Variants in EIF4G3 observed in about 807,000 individuals in gnomAD.
The protein encoded by EIF4G3 is eukaryotic translation initiation factor 4 gamma 3.
EIF4G3 carries 34 observed loss-of-function variants against 186.4 expected under a neutral mutation model. The observed-to-expected ratio is 0.18, with a 90% CI of 0.14 to 0.24. The LOEUF (loss-of-function observed/expected upper bound fraction) is 0.24, where lower values mean the gene tolerates loss of function less well. EIF4G3 is among the 10% of genes least tolerant of loss of function. The pLI is 1.00. For missense variants in EIF4G3, 1,536 were observed against 1,948.5 expected, an observed-to-expected ratio of 0.79 and a Z score of 3.99; for synonymous variants, 673 against 679.5, an observed-to-expected ratio of 0.99 and a Z score of 0.15.
chr1:20,972,131 A>G (rs1365453951), intron 11 of EIF4G3, among the ~76,000 whole-genome samples: 3 of 152,104 alleles, frequency 2.0e-5, no homozygotes, highest in African/African-American at 7.2e-5. Context: ...CTACACTCCA[A>G]TTCTCTTGGG....
At position 20,851,374 on chromosome 1, in the gene EIF4G3, T is replaced by C. The variant is rs776709324; in HGVS notation, c.3656A>G (p.Asn1219Ser). The change falls in exon 28 of 37, where the codon AAT becomes AGT. Residue 1219 changes from asparagine (N) to serine (S), a missense_variant. This residue lies in a region of EIF4G3 where 395 missense variants were observed against 498.9 expected (regional missense o/e 0.79). Transcript: ENST00000602326. The part of the protein sequence containing the change: ...RGGSSKDLLD[N>S]QSQEEQRREM... ...TCTCCGCTGCTCTTCTTGAGACTGA[T>C]TGTCTAGCAGGTCTTTACTGCTGCC... The C allele has an allele frequency of 5.6e-6, 9 of 1,614,198 alleles. No homozygotes were observed. The highest frequency in any genetic ancestry group is 7.6e-6 in the Non-Finnish European group (9 of 1,180,042).
At chr1:20,950,482 A>T (rs540297014) in intron 12 of EIF4G3, among the ~76,000 whole-genome samples, 1 of 152,284 alleles carries the variant, frequency 6.6e-6, no homozygotes, top group South Asian at 2.1e-4. Context: ...CCCAAAGACC[A>T]AGAAGGATTT....
chr1:21,125,652 G>A lies in EIF4G3; in HGVS notation c.-271-36439C>T, dbSNP rs572725048. Among the ~76,000 whole-genome samples, 510 of 152,058 alleles carry A rather than the reference G, an allele frequency of 3.4e-3. 4 individuals carry two copies. Among genetic ancestry groups the A allele is most frequent in the Middle Eastern group, 0.017 (5 of 292 alleles). On this transcript the variant is annotated intron_variant, in intron 2 of 36. Coordinates refer to ENST00000602326, the MANE Select transcript of EIF4G3 (RefSeq NM_001391906.1). ...GAGAATCGCTTGAGCCTGGGAGGCAGAGGCTGCAGTGAGCCGAGATTGTGC... is the reference window on the plus strand; with the variant it reads ...GAGAATCGCTTGAGCCTGGGAGGCAAAGGCTGCAGTGAGCCGAGATTGTGC...
At chr1:20,994,626 T>C (rs1430342665) in intron 7 of EIF4G3, among the ~76,000 whole-genome samples, 2 of 132,994 alleles carry the variant, frequency 1.5e-5, no homozygotes, top group African/African-American at 5.6e-5. Flanking sequence ...TAAACATATA[T>C]ACTTTTTTTT....
intron 3 of EIF4G3, among the ~76,000 whole-genome samples, chr1:21,070,546 G>C (rs1394313339): frequency 2.0e-5 from 3 of 152,130 alleles, no homozygotes; most frequent in Non-Finnish European, 4.4e-5. Context: ...TGTTTAAGTA[G>C]TACTTCATGG....
At chr1:21,052,758 T>C (rs2094308761) in intron 3 of EIF4G3, among the ~76,000 whole-genome samples, 2 of 152,192 alleles carry the variant, frequency 1.3e-5, no homozygotes, top group Admixed American at 1.3e-4. Flanking sequence ...TTCTCGTATT[T>C]TTTTGGTGGA....
At chr1:21,028,985 TG>T (rs536192487) in intron 4 of EIF4G3, among the ~76,000 whole-genome samples, 32 of 152,306 alleles carry the variant, frequency 2.1e-4, no homozygotes, top group African/African-American at 6.5e-4. Flanking sequence ...ATGCCGCAAG[TG>T]AATCTCCAGC....
At chr1:21,139,921 C>A (rs2097309475) in intron 2 of EIF4G3, among the ~76,000 whole-genome samples, 1 of 152,194 alleles carries the variant, frequency 6.6e-6, no homozygotes, top group South Asian at 2.1e-4. Flanking sequence ...CCTAGCCTTA[C>A]CCCATCCCTA....
chr1:20,937,654 T>C (rs1338590320), intron 14 of EIF4G3, among the ~76,000 whole-genome samples: 2 of 152,222 alleles, frequency 1.3e-5, no homozygotes, highest in African/African-American at 2.4e-5. Context: ...AATAAAAAAG[T>C]CACAATTCTT....
At chr1:20,945,542 C>T (rs1174882277) in intron 13 of EIF4G3, among the ~76,000 whole-genome samples, 2 of 152,106 alleles carry the variant, frequency 1.3e-5, no homozygotes, top group African/African-American at 4.8e-5. Flanking sequence ...CTCAGCTCAC[C>T]GTGACCTCCA....
intron 4 of EIF4G3, among the ~76,000 whole-genome samples, chr1:21,033,488 C>G (rs2092914829): frequency 6.6e-6 from 1 of 152,006 alleles, no homozygotes; most frequent in Non-Finnish European, 1.5e-5. Context: ...GCCAAAGCTA[C>G]TGCAACAAAA....
At chr1:20,913,525 G>A (rs1013575816) in intron 14 of EIF4G3, among the ~76,000 whole-genome samples, 8 of 152,114 alleles carry the variant, frequency 5.3e-5, no homozygotes, top group African/African-American at 1.4e-4. Flanking sequence ...GCAAGAACCT[G>A]TCTCTAAAAA....
chr1:21,069,781 G>T (rs1317359203), intron 3 of EIF4G3, among the ~76,000 whole-genome samples: 3 of 152,176 alleles, frequency 2.0e-5, no homozygotes, highest in African/African-American at 4.8e-5. Context: ...AGAGGAGGGG[G>T]TAGGAAAGCA....
At chr1:21,151,270 G>A (rs1432475280) in intron 2 of EIF4G3, among the ~76,000 whole-genome samples, 10 of 104,370 alleles carry the variant, frequency 9.6e-5, no homozygotes, top group Middle Eastern at 0.018. Context: ...ATGGAGTCTC[G>A]CTTTGTCACC....
chr1:21,017,433 C>T (rs2089450544), intron 4 of EIF4G3, among the ~76,000 whole-genome samples: 1 of 151,910 alleles, frequency 6.6e-6, no homozygotes, highest in South Asian at 2.1e-4. Context: ...TCGAGACCAT[C>T]CTGGCCAACA....
At chr1:20,817,209 C>T (rs1253524436) in intron 34 of EIF4G3, among the ~76,000 whole-genome samples, 183 bp downstream of exon 34, 8 of 140,422 alleles carry the variant, frequency 5.7e-5, no homozygotes, top group Non-Finnish European at 1.2e-4. Flanking sequence ...GCCAAATCCC[C>T]CTCTGCGAGA....
At chr1:21,009,630 G>GTCT (rs1188739771) in intron 4 of EIF4G3, among the ~76,000 whole-genome samples, 1 of 149,668 alleles carries the variant, frequency 6.7e-6, no homozygotes, top group Non-Finnish European at 1.5e-5. Flanking sequence ...CTTGAGAACT[G>GTCT]TCTTCTTCTT....
intron 14 of EIF4G3, among the ~76,000 whole-genome samples, chr1:20,928,978 C>A (rs1179037749): frequency 1.3e-5 from 2 of 152,180 alleles, no homozygotes; most frequent in Non-Finnish European, 2.9e-5. Context: ...CAAATGGAAT[C>A]ATATAAAATG....
chr1:20,964,661 A>G (rs945791810), intron 12 of EIF4G3, among the ~76,000 whole-genome samples: 1 of 152,206 alleles, frequency 6.6e-6, no homozygotes, highest in African/African-American at 2.4e-5. Context: ...ATCCACTTTT[A>G]GGGCTAGCAT....
Sources: allele counts gnomAD v4.1 joint callset (sites outside exome capture counted in the v4.1 genomes callset), GRCh38; gene constraint gnomAD v4.1.1; regional missense constraint gnomAD v4.1.1; transcripts MANE v1.5; gene names NCBI Gene and HGNC (gene_info 2026-07-23, HGNC 2026-07-21).